SLCO3A1: variants seen among roughly 807,000 people sequenced by gnomAD.
SLCO3A1 encodes PGE1 transporter.
In SLCO3A1, 27 loss-of-function variants were observed where a neutral mutation model predicts 63.1. That is an observed-to-expected ratio of 0.43 (90% CI 0.32 to 0.59). The LOEUF (loss-of-function observed/expected upper bound fraction) is 0.59. Among genes scored for constraint, SLCO3A1 ranks in the 20% least tolerant of loss-of-function variants. The pLI, the probability that SLCO3A1 is intolerant of heterozygous loss-of-function variation, is 0.09. For missense variants in SLCO3A1, 773 were observed against 945.8 expected, an observed-to-expected ratio of 0.82 and a Z score of 2.40; for synonymous variants, 473 against 409.9, an observed-to-expected ratio of 1.15 and a Z score of -1.86.
rs549202015 is a variant in SLCO3A1, at chr15:91,912,487, T to C, written c.181-3506T>C. Among the ~76,000 whole-genome samples the C allele has an allele frequency of 2.0e-5, 3 of 152,216 alleles. No homozygotes were observed. The highest frequency in any genetic ancestry group is 4.4e-5 in the Non-Finnish European group (3 of 68,036). On this transcript the variant is annotated intron_variant, in intron 1 of 9. Transcript: ENST00000318445. The surrounding 1 kb of genome is among the most constrained non-coding windows in gnomAD (Gnocchi z 5.0). The stretch of plus-strand genomic sequence containing the variant: ...AAGAGCTGCAGGCACGGGCGTTATC[T>C]GTCTCTAAAAGAACTGATTATTTTT...
At chr15:91,949,776 CGCTTGAGGCCTGGAGTTCAAGACCA>C (rs1212596733) in intron 2 of SLCO3A1, among the ~76,000 whole-genome samples, 1 of 152,052 alleles carries the variant, frequency 6.6e-6, no homozygotes, top group Admixed American at 6.6e-5. Context: ...GCAGGAGGAT[CGCTTGAGGCCTGGAGTTCAAGACCA>C]GCCTGAACAA....
In SLCO3A1 at chr15:92,067,841, G is replaced by A. The variant is rs34153958; in HGVS notation, c.647-27040G>A. Among the ~76,000 whole-genome samples, 5 of 152,220 alleles carry A rather than the reference G, an allele frequency of 3.3e-5. No individual in the cohort carries two copies. In the East Asian group the frequency reaches 7.7e-4, roughly 24 times the overall value. ...ATGTATTTGTCATGGTTCTGCAGGC[G>A]GGGACGTCCAAGATCAAGACACTTG... On this transcript the variant is annotated intron_variant, in intron 2 of 9. Coordinates refer to ENST00000318445, the MANE Select transcript of SLCO3A1 (RefSeq NM_013272.4).
chr15:92,066,447 C>A (rs1215239559), intron 2 of SLCO3A1, among the ~76,000 whole-genome samples: 1 of 152,186 alleles, frequency 6.6e-6, no homozygotes, highest in Non-Finnish European at 1.5e-5. Context: ...CAAACAGCCA[C>A]AATTTCAGTT....
chr15:92,097,552 G>A lies in SLCO3A1; in HGVS notation c.745+2573G>A, dbSNP rs142507904. Among the ~76,000 whole-genome samples, 401 of 152,320 alleles carry A rather than the reference G, an allele frequency of 2.6e-3. 2 individuals are homozygous for A. Among genetic ancestry groups the A allele is most frequent in the African/African-American group, 9.3e-3 (387 of 41,562 alleles). On this transcript the variant is annotated intron_variant, in intron 3 of 9. Coordinates refer to ENST00000318445, the MANE Select transcript of SLCO3A1 (RefSeq NM_013272.4). ...GGAGCGGTGTGATCCATGGTTCCAG[G>A]CTCATTGGCTACTTGGTGCCTGCAT...
chr15:92,091,656 A>G (rs1026166296), intron 2 of SLCO3A1, among the ~76,000 whole-genome samples: 4 of 152,142 alleles, frequency 2.6e-5, no homozygotes, highest in African/African-American at 9.7e-5. Context: ...CTGTCCTTTG[A>G]AAAAGGTTCG....
chr15:91,855,034 T>G (rs1896880138), intron 1 of SLCO3A1, among the ~76,000 whole-genome samples: 1 of 152,156 alleles, frequency 6.6e-6, no homozygotes. Context: ...GGGAAATTTT[T>G]TTTGAGAGTT....
chr15:92,107,522 A>G (rs1374236964), intron 4 of SLCO3A1, among the ~76,000 whole-genome samples: 1 of 152,222 alleles, frequency 6.6e-6, no homozygotes, highest in African/African-American at 2.4e-5. Flanking sequence ...GCAGTGCTAT[A>G]TACATGCAGT....
intron 7 of SLCO3A1, among the ~76,000 whole-genome samples, chr15:92,130,796 A>G (rs1428587388): frequency 6.6e-6 from 1 of 151,282 alleles, no homozygotes; most frequent in Non-Finnish European, 1.5e-5. Flanking sequence ...GTATTTTGGG[A>G]AAATGCCAAA....
intron 2 of SLCO3A1, among the ~76,000 whole-genome samples, chr15:92,005,307 C>G (rs1205969921): frequency 1.3e-5 from 2 of 152,212 alleles, no homozygotes; most frequent in East Asian, 3.8e-4. Context: ...CAGAACAGCC[C>G]TAGCCAGGCA....
Position 92,046,085 on chromosome 15 carries a change from G to A in SLCO3A1, c.647-48796G>A, listed in dbSNP as rs182565175. On this transcript the variant is annotated intron_variant, in intron 2 of 9. Coordinates refer to ENST00000318445, the MANE Select transcript of SLCO3A1 (RefSeq NM_013272.4). Reference sequence around the variant, plus strand: ...CTAGGTGTCTGATGTATACATTAGGGTTAATCTTAGACCTAATCGGAGCTA... The same window carrying A: ...CTAGGTGTCTGATGTATACATTAGGATTAATCTTAGACCTAATCGGAGCTA... Among the ~76,000 whole-genome samples the A allele has an allele frequency of 4.2e-3, 637 of 152,212 alleles. 6 individuals are homozygous for A. The highest frequency in any genetic ancestry group is 0.015 in the African/African-American group (613 of 41,542).
At chr15:91,888,467 C>A (rs925861628) in intron 1 of SLCO3A1, among the ~76,000 whole-genome samples, 1 of 152,166 alleles carries the variant, frequency 6.6e-6, no homozygotes, top group African/African-American at 2.4e-5. Context: ...AAGCAGTTAG[C>A]TAAAGTGTTT....
chr15:91,901,523 G>C (rs986889836), intron 1 of SLCO3A1, among the ~76,000 whole-genome samples: 6 of 151,930 alleles, frequency 3.9e-5, no homozygotes, highest in African/African-American at 1.5e-4. Context: ...TATTATTTTT[G>C]CAAGGAAGAT....
chr15:91,870,130 G>A (rs1286757783), intron 1 of SLCO3A1, among the ~76,000 whole-genome samples: 1 of 152,170 alleles, frequency 6.6e-6, no homozygotes, highest in African/African-American at 2.4e-5. Context: ...GAAGGTGGAC[G>A]TTCGTCTAGT....
In SLCO3A1 at chr15:91,875,113, T is replaced by C. The variant is rs2151337940; in HGVS notation, c.180+21025T>C. Among the ~76,000 whole-genome samples the C allele has an allele frequency of 6.6e-6, 1 of 152,360 alleles. No individual in the cohort carries two copies. Among genetic ancestry groups the C allele is most frequent in the East Asian group, 1.9e-4 (1 of 5,178 alleles). Reference sequence around the variant, plus strand: ...ACAGTCTGTGTTGGTGCCCTTTTAATAGATGAGTCAGTTGCTGAAATTCTG... The same window carrying C: ...ACAGTCTGTGTTGGTGCCCTTTTAACAGATGAGTCAGTTGCTGAAATTCTG... On this transcript the variant is annotated intron_variant, in intron 1 of 9. Coordinates refer to ENST00000318445, the MANE Select transcript of SLCO3A1 (RefSeq NM_013272.4). This position sits in a 1 kb window ranked among gnomAD's most constrained non-coding sequence, Gnocchi z 4.5.
At chr15:92,045,111 T>C (rs1489566360) in intron 2 of SLCO3A1, among the ~76,000 whole-genome samples, 5 of 152,068 alleles carry the variant, frequency 3.3e-5, no homozygotes, top group Non-Finnish European at 7.3e-5. Context: ...AAACACCGTC[T>C]CTACTAAAAA....
At chr15:92,026,896 C>T (rs919729400) in intron 2 of SLCO3A1, among the ~76,000 whole-genome samples, 8 of 152,170 alleles carry the variant, frequency 5.3e-5, no homozygotes, top group African/African-American at 1.7e-4. Context: ...CAAGACCAGC[C>T]TGGCCAACAT....
intron 2 of SLCO3A1, among the ~76,000 whole-genome samples, chr15:92,047,597 TATAATATATATATA>T (rs2046902453): frequency 2.2e-5 from 1 of 44,884 alleles, no homozygotes; most frequent in African/African-American, 6.9e-5. Flanking sequence ...ATATATAATA[TATAATATATATATA>T]ATATATAAAT....
At chr15:92,137,362 C>A (rs1479018105) in intron 7 of SLCO3A1, among the ~76,000 whole-genome samples, 4 of 97,462 alleles carry the variant, frequency 4.1e-5, no homozygotes, top group African/African-American at 2.3e-4. Flanking sequence ...TTTTCTTAAT[C>A]CAGTCTATCA....
At chr15:92,122,169 G>A (rs908516238) in intron 5 of SLCO3A1, among the ~76,000 whole-genome samples, 3 of 152,180 alleles carry the variant, frequency 2.0e-5, no homozygotes, top group African/African-American at 7.2e-5. Flanking sequence ...AGGGAATGTG[G>A]TGGACAGCCC....
Sources: gnomAD v4.1 joint callset for allele counts (sites outside exome capture counted in the v4.1 genomes callset) on GRCh38, gnomAD v4.1.1 for gene constraint, Gnocchi (gnomAD v3.1) non-coding constraint, MANE v1.5 for transcripts, NCBI Gene and HGNC (gene_info 2026-07-23, HGNC 2026-07-21) for gene names.